CRPPA: variants seen among roughly 807,000 people sequenced by gnomAD.
The protein encoded by CRPPA is CDP-L-ribitol pyrophosphorylase A, also known as D-ribitol-5-phosphate cytidylyltransferase.
CRPPA carries 43 observed loss-of-function variants against 52.0 expected under a neutral mutation model. The ratio of observed to expected loss-of-function variants is 0.83; its 90% CI spans 0.65 to 1.07. CRPPA has a LOEUF of 1.07. Among genes scored for constraint, CRPPA ranks in the 50% least tolerant of loss-of-function variants. CRPPA has a pLI of 0.00. For missense variants in CRPPA, 629 were observed against 551.7 expected (o/e 1.14, Z -1.40); for synonymous variants, 250 against 203.5 (o/e 1.23, Z -1.94).
At chr7:16,241,946 C>CTTTTTTTTTTTTTTTTT (rs71549979) in intron 8 of CRPPA, among the ~76,000 whole-genome samples, 6 of 55,400 alleles carry the variant, frequency 1.1e-4, no homozygotes, top group Non-Finnish European at 1.4e-4. Flanking sequence ...AAAATCTATT[C>CTTTTTTTTTTTTTTTTT]TTTTTTTTTT....
At position 16,274,342 on chromosome 7, in the gene CRPPA, C is replaced by T. The variant is rs543501911; in HGVS notation, c.933+3787G>A. Among the ~76,000 whole-genome samples, 186 of 152,222 alleles carry T rather than the reference C, an allele frequency of 1.2e-3. 8 individuals are homozygous for T. In the South Asian group the frequency reaches 0.031, roughly 25 times the overall value. On this transcript the variant is annotated intron_variant, in intron 6 of 9. Transcript: ENST00000407010. ...GATTACGGACGTGAGCCACCACACC[C>T]GGCCTGTTGTGGCTGTTTCTAAGAG...
intron 8 of CRPPA, among the ~76,000 whole-genome samples, chr7:16,225,904 C>T (rs1262233764): frequency 1.3e-5 from 2 of 151,544 alleles, no homozygotes; most frequent in Non-Finnish European, 3.0e-5. Context: ...TTAATGTGTT[C>T]CAAAGGCAAA....
intron 2 of CRPPA, among the ~76,000 whole-genome samples, chr7:16,399,973 C>T (rs1380294145): frequency 1.3e-5 from 2 of 151,846 alleles, no homozygotes; most frequent in Non-Finnish European, 2.9e-5. Flanking sequence ...ACATGTGACA[C>T]GATTGACACG....
At chr7:16,165,955 G>A (rs1360714324) in intron 9 of CRPPA, among the ~76,000 whole-genome samples, 1 of 152,202 alleles carries the variant, frequency 6.6e-6, no homozygotes, top group East Asian at 1.9e-4. Context: ...CACTTGAATA[G>A]CTCCAAAAGC....
chr7:16,244,073 G>GTTA lies in CRPPA; in HGVS notation c.1119+14316_1119+14317insTAA, dbSNP rs567451578. On this transcript the variant is annotated intron_variant, in intron 8 of 9. Coordinates refer to ENST00000407010, the MANE Select transcript of CRPPA (RefSeq NM_001101426.4). ...CTTAATTTTGCAAACATAACCTAAA[G>GTTA]GATTTTAAGAAGATAAGACTATTTT... Among the ~76,000 whole-genome samples, 13 of 152,088 alleles carry GTTA rather than the reference G, an allele frequency of 8.5e-5. No individual in the cohort carries two copies. The South Asian group carries it at 2.5e-3, about 29-fold the overall frequency.
chr7:16,264,454 T>A (rs17361889), intron 6 of CRPPA, among the ~76,000 whole-genome samples: 37,519 of 152,184 alleles, frequency 0.25, 5,768 homozygotes, highest in Admixed American at 0.37. Flanking sequence ...AATGCAAACA[T>A]CTGTGTATTC....
intron 9 of CRPPA, among the ~76,000 whole-genome samples, chr7:16,134,510 T>C (rs1782730231): frequency 6.6e-6 from 1 of 152,216 alleles, no homozygotes; most frequent in African/African-American, 2.4e-5. Flanking sequence ...TAATCAATTA[T>C]GTTACCAGTA....
At chr7:16,381,841 T>C (rs1787099325) in intron 2 of CRPPA, among the ~76,000 whole-genome samples, 2 of 151,974 alleles carry the variant, frequency 1.3e-5, no homozygotes, top group South Asian at 4.1e-4. Context: ...TTCCATTTGC[T>C]TGGTAAATCT....
chr7:16,342,782 A>AAAAAAAAAAAAATAT (rs1554335212), intron 3 of CRPPA, among the ~76,000 whole-genome samples: 7 of 76,524 alleles, frequency 9.1e-5, no homozygotes, highest in African/African-American at 2.9e-4. Flanking sequence ...AAAAAAAAAA[A>AAAAAAAAAAAAATAT]ATATATATAT....
intron 5 of CRPPA, among the ~76,000 whole-genome samples, chr7:16,289,506 G>A (rs376333549): frequency 6.6e-6 from 1 of 151,996 alleles, no homozygotes; most frequent in Non-Finnish European, 1.5e-5. Context: ...TTTTTCCCAG[G>A]GATGCAAGAT....
chr7:16,164,539 T>C (rs1034505459), intron 9 of CRPPA, among the ~76,000 whole-genome samples: 3 of 152,182 alleles, frequency 2.0e-5, no homozygotes, highest in African/African-American at 7.2e-5. Context: ...CCGTCCAGTT[T>C]TGTTCCCTTG....
chr7:16,206,910 CTTAA>C (rs1308177018), intron 9 of CRPPA, among the ~76,000 whole-genome samples: 1 of 152,012 alleles, frequency 6.6e-6, no homozygotes, highest in Non-Finnish European at 1.5e-5. Flanking sequence ...AAGTTTGAAT[CTTAA>C]TTAAAGTATA....
chr7:16,096,590 C>G (rs953793487), intron 9 of CRPPA, among the ~76,000 whole-genome samples: 1 of 152,036 alleles, frequency 6.6e-6, no homozygotes, highest in Non-Finnish European at 1.5e-5. Context: ...TCATCTTGTT[C>G]ACTTCATAAC....
chr7:16,335,154 C>CAAAAA (rs60632334), intron 3 of CRPPA, among the ~76,000 whole-genome samples: 61 of 93,748 alleles, frequency 6.5e-4, no homozygotes, highest in East Asian at 1.2e-3. Flanking sequence ...CCCATCTCTA[C>CAAAAA]AAAAAAAAAA....
intron 2 of CRPPA, among the ~76,000 whole-genome samples, chr7:16,400,311 G>A (rs189462471): frequency 1.3e-5 from 2 of 152,292 alleles, no homozygotes; most frequent in Non-Finnish European, 2.9e-5. Context: ...GAACATGATT[G>A]ACACTTGACC....
At chr7:16,292,356 G>A (rs1784580877) in intron 5 of CRPPA, among the ~76,000 whole-genome samples, 1 of 151,886 alleles carries the variant, frequency 6.6e-6, no homozygotes, top group Admixed American at 6.6e-5. Flanking sequence ...ACTCTTCAAT[G>A]CTATAGCTAT....
chr7:16,352,346 C>T (rs1786177689), intron 3 of CRPPA, among the ~76,000 whole-genome samples: 1 of 151,648 alleles, frequency 6.6e-6, no homozygotes, highest in African/African-American at 2.4e-5. Context: ...ACCACCATGG[C>T]ATATGTATAC....
intron 9 of CRPPA, among the ~76,000 whole-genome samples, chr7:16,159,156 C>G (rs1473522456): frequency 6.6e-6 from 1 of 152,072 alleles, no homozygotes; most frequent in Non-Finnish European, 1.5e-5. Flanking sequence ...GTGGCTCACA[C>G]CTGTAATCCC....
chr7:16,124,818 T>C (rs1245312934), intron 9 of CRPPA, among the ~76,000 whole-genome samples: 4 of 152,078 alleles, frequency 2.6e-5, no homozygotes, highest in Non-Finnish European at 2.9e-5. Flanking sequence ...AAATGTCACA[T>C]TGTACCCATA....
Sources: allele counts gnomAD v4.1 joint callset (sites outside exome capture counted in the v4.1 genomes callset), GRCh38; gene constraint gnomAD v4.1.1; transcripts MANE v1.5; gene names NCBI Gene and HGNC (gene_info 2026-07-23, HGNC 2026-07-21).